Variants in EDIL3 observed in about 807,000 individuals in gnomAD.
EDIL3 encodes EGF like and discoidin domains 3, also known as EGF-like repeat and discoidin I-like domain-containing protein 3.
Under a neutral mutation model 67.4 loss-of-function variants are expected in EDIL3, and 37 were observed. That is an observed-to-expected ratio of 0.55 (90% CI 0.42 to 0.72). The LOEUF is 0.72. Among genes scored for constraint, EDIL3 ranks in the 30% least tolerant of loss-of-function variants. The pLI is 0.00. For missense variants in EDIL3, 527 were observed against 586.3 expected, an observed-to-expected ratio of 0.90 and a Z score of 1.04; for synonymous variants, 195 against 196.3, an observed-to-expected ratio of 0.99 and a Z score of 0.05.
chr5:84,357,637 C>T (rs1372286157), intron 1 of EDIL3, among the ~76,000 whole-genome samples: 2 of 152,060 alleles, frequency 1.3e-5, no homozygotes, highest in African/African-American at 4.8e-5. Flanking sequence ...GCCTGTAATC[C>T]CAGCACGTGG....
rs1488088727 is a variant in EDIL3, at chr5:84,060,611, T to G, written c.953-127A>C. The G allele has an allele frequency of 1.0e-5, 10 of 1,003,660 alleles. No homozygotes were observed. The East Asian group carries it at 2.8e-4, about 28-fold the overall frequency. 62.2% of individuals were successfully genotyped at this position (1,003,660 alleles called of 1,614,324 possible). ...TTCATTCCTCCAAAGAGAAAACATC[T>G]AAATCCAAAAAAAAGCTATAATCAG... On this transcript the variant is annotated intron_variant, in intron 8 of 10. Transcript: ENST00000296591.
chr5:84,028,738 C>G (rs1393157133), intron 9 of EDIL3, among the ~76,000 whole-genome samples: 10 of 151,928 alleles, frequency 6.6e-5, no homozygotes, highest in Non-Finnish European at 1.2e-4. Flanking sequence ...TTCATGTAAA[C>G]ACGGAGTCTT....
intron 2 of EDIL3, among the ~76,000 whole-genome samples, chr5:84,231,243 A>T (rs1744570920): frequency 6.6e-6 from 1 of 152,186 alleles, no homozygotes; most frequent in Non-Finnish European, 1.5e-5. Context: ...GTGTATGTGG[A>T]GGATGGAGCA....
chr5:84,202,298 ACT>A (rs1264073077), intron 3 of EDIL3, among the ~76,000 whole-genome samples: 1 of 152,146 alleles, frequency 6.6e-6, no homozygotes, highest in Non-Finnish European at 1.5e-5. Flanking sequence ...GAGAGCCCCT[ACT>A]GACTCACACT....
At chr5:84,107,450 T>A (rs1747484673) in intron 5 of EDIL3, among the ~76,000 whole-genome samples, 1 of 151,664 alleles carries the variant, frequency 6.6e-6, no homozygotes, top group African/African-American at 2.4e-5. Flanking sequence ...ATTATTTTTA[T>A]AAAGAGAGCA....
At chr5:83,955,443 C>A (rs938876244) in intron 10 of EDIL3, among the ~76,000 whole-genome samples, 4 of 151,320 alleles carry the variant, frequency 2.6e-5, no homozygotes, top group Admixed American at 2.6e-4. Context: ...ACTAGAAAAA[C>A]TATATTGTTT....
chr5:84,156,439 T>G (rs1207053597), intron 4 of EDIL3, among the ~76,000 whole-genome samples: 1 of 152,172 alleles, frequency 6.6e-6, no homozygotes, highest in East Asian at 1.9e-4. Context: ...AATTCCCTCC[T>G]GTATGCTGTC....
chr5:84,155,326 C>T (rs571368649), intron 4 of EDIL3, among the ~76,000 whole-genome samples: 1 of 152,256 alleles, frequency 6.6e-6, no homozygotes, highest in Admixed American at 6.5e-5. Flanking sequence ...ATGGTTGCTG[C>T]CAGAGACATT....
At chr5:84,348,319 G>A (rs1184888616) in intron 1 of EDIL3, among the ~76,000 whole-genome samples, 4 of 152,110 alleles carry the variant, frequency 2.6e-5, no homozygotes, top group Admixed American at 2.0e-4. Flanking sequence ...AAGCCTTTAA[G>A]TATAGAAATG....
intron 3 of EDIL3, among the ~76,000 whole-genome samples, chr5:84,186,050 G>T (rs1325151573): frequency 6.6e-6 from 1 of 152,056 alleles, no homozygotes; most frequent in East Asian, 1.9e-4. Flanking sequence ...CAAAAGTTAT[G>T]TTTGATGCTC....
intron 2 of EDIL3, among the ~76,000 whole-genome samples, chr5:84,236,081 C>T (rs766226912): frequency 2.4e-4 from 37 of 151,980 alleles, no homozygotes; most frequent in Non-Finnish European, 4.9e-4. Context: ...ATTTTAACAG[C>T]AATTACCAGT....
At chr5:84,221,747 A>G (rs1212173423) in intron 3 of EDIL3, among the ~76,000 whole-genome samples, 1 of 151,970 alleles carries the variant, frequency 6.6e-6, no homozygotes, top group African/African-American at 2.4e-5. Flanking sequence ...AGGTTTTAAT[A>G]TTTGAGCCTG....
chr5:84,188,110 C>G (rs1028420425), intron 3 of EDIL3, among the ~76,000 whole-genome samples: 9 of 151,842 alleles, frequency 5.9e-5, no homozygotes, highest in African/African-American at 9.7e-5. Context: ...GATAAATTTT[C>G]TTCTCAAGAA....
Position 84,049,872 on chromosome 5 carries a change from G to C in EDIL3, c.1137+10428C>G, listed in dbSNP as rs946419046. Among the ~76,000 whole-genome samples, 4 of 152,194 alleles carry C rather than the reference G, an allele frequency of 2.6e-5. No homozygotes were observed. In the East Asian group the frequency reaches 7.7e-4, roughly 29 times the overall value. ...AATTTTATGATTAGCAGCAACTCAA[G>C]AAAGCTAACCAATTAGGTAGGATCA... On this transcript the variant is annotated intron_variant, in intron 9 of 10. Transcript: ENST00000296591.
At chr5:84,355,922 T>C (rs957388680) in intron 1 of EDIL3, among the ~76,000 whole-genome samples, 14 of 152,198 alleles carry the variant, frequency 9.2e-5, no homozygotes, top group Non-Finnish European at 2.9e-5. Context: ...CCCAGGGAGA[T>C]GGGAGTTTTA....
chr5:84,012,092 A>G (rs1745527598), intron 9 of EDIL3, among the ~76,000 whole-genome samples: 1 of 152,150 alleles, frequency 6.6e-6, no homozygotes, highest in South Asian at 2.1e-4. Flanking sequence ...TGAATAAACT[A>G]TTACTATTTA....
intron 5 of EDIL3, among the ~76,000 whole-genome samples, chr5:84,114,261 G>A (rs1183736248): frequency 1.3e-5 from 2 of 149,182 alleles, no homozygotes; most frequent in Admixed American, 1.4e-4. Flanking sequence ...TGTATCAGAA[G>A]AAAGAGGTCA....
intron 1 of EDIL3, among the ~76,000 whole-genome samples, chr5:84,305,237 T>G (rs1746241956): frequency 6.6e-6 from 1 of 152,230 alleles, no homozygotes; most frequent in African/African-American, 2.4e-5. Flanking sequence ...AACACTTTTT[T>G]TAATTCCATT....
intron 1 of EDIL3, among the ~76,000 whole-genome samples, chr5:84,285,181 T>C (rs752802539): frequency 6.8e-4 from 104 of 152,206 alleles, no homozygotes; most frequent in Non-Finnish European, 1.1e-3. Context: ...CATGAACACT[T>C]ACATAACCTG....
Sources: allele counts gnomAD v4.1 joint callset (sites outside exome capture counted in the v4.1 genomes callset), GRCh38; gene constraint gnomAD v4.1.1; transcripts MANE v1.5; gene names NCBI Gene and HGNC (gene_info 2026-07-23, HGNC 2026-07-21).